The following EHBP1 variants were observed in gnomAD, a reference collection of about 807,000 sequenced individuals.
The protein encoded by EHBP1 is EH domain-binding protein 1.
A neutral mutation model predicts 144.0 loss-of-function variants in EHBP1; 55 were observed. That is an observed-to-expected ratio of 0.38 (90% confidence interval 0.31 to 0.48). EHBP1 has a LOEUF of 0.48. Among genes scored for constraint, EHBP1 ranks in the 20% least tolerant of loss-of-function variants. The pLI, the probability that EHBP1 is intolerant of heterozygous loss-of-function variation, is 0.98. For synonymous variants in EHBP1, 469 were observed against 472.7 expected, an observed-to-expected ratio of 0.99 and a Z score of 0.10; for missense variants, 1,200 against 1,364.2, an observed-to-expected ratio of 0.88 and a Z score of 1.90.
intron 19 of EHBP1, 89 bp downstream of exon 19, chr2:62,996,855 C>A (rs1273431449): frequency 4.5e-6 from 7 of 1,542,454 alleles, no homozygotes; most frequent in Non-Finnish European, 6.1e-6. Context: ...ATCTTTGAAG[C>A]CTGAATGTTC....
chr2:62,987,998 A>G, intron 15 of EHBP1: 1 of 1,608,110 alleles, frequency 6.2e-7, no homozygotes, highest in Middle Eastern at 1.7e-4. Flanking sequence ...TAGGAGGTGG[A>G]GATGAACTTA....
chr2:63,015,431 G>A (rs1185127163), intron 19 of EHBP1, among the ~76,000 whole-genome samples: 1 of 152,114 alleles, frequency 6.6e-6, no homozygotes, highest in East Asian at 1.9e-4. Flanking sequence ...TCGTAAGTAT[G>A]GATTATATGG....
intron 10 of EHBP1, among the ~76,000 whole-genome samples, chr2:62,931,418 C>A (rs1353597633): frequency 6.6e-6 from 1 of 152,100 alleles, no homozygotes; most frequent in African/African-American, 2.4e-5. Context: ...AGAATTAGTA[C>A]CCTTGTGCAC....
intron 10 of EHBP1, among the ~76,000 whole-genome samples, chr2:62,903,287 G>A (rs1408290688): frequency 6.6e-6 from 1 of 152,114 alleles, no homozygotes; most frequent in Non-Finnish European, 1.5e-5. Flanking sequence ...ACTTGGTGTA[G>A]CATTTTTACA....
intron 19 of EHBP1, among the ~76,000 whole-genome samples, chr2:63,003,383 G>C (rs2059920830): frequency 6.6e-6 from 1 of 152,036 alleles, no homozygotes; most frequent in Admixed American, 6.6e-5. Context: ...TGAATTCAAA[G>C]TAATTGGGGT....
chr2:62,900,624 A>G (rs574849718), intron 10 of EHBP1, among the ~76,000 whole-genome samples: 12 of 151,016 alleles, frequency 7.9e-5, no homozygotes, highest in African/African-American at 3.0e-4. Flanking sequence ...CTGTCTTTAA[A>G]AAAAAAAGAA....
At chr2:62,708,472 T>A (rs719197) in intron 2 of EHBP1, among the ~76,000 whole-genome samples, 6 of 152,214 alleles carry the variant, frequency 3.9e-5, no homozygotes, top group African/African-American at 1.4e-4. Flanking sequence ...TCTGTCTCGA[T>A]ACAGTTGAGT....
intron 20 of EHBP1, 76 bp from the exon 21 acceptor site, chr2:63,038,667 A>G (rs918012575): frequency 5.9e-6 from 8 of 1,361,082 alleles, no homozygotes; most frequent in Admixed American, 3.4e-5. Context: ...CCTAAAATCA[A>G]TGTAACCTAA....
intron 5 of EHBP1, among the ~76,000 whole-genome samples, chr2:62,782,024 A>G (rs1381733437): frequency 1.3e-5 from 2 of 152,220 alleles, no homozygotes; most frequent in Non-Finnish European, 2.9e-5. Context: ...ACGCCCAAGA[A>G]CACACAGAAA....
At chr2:63,030,028 G>T (rs1023815389) in intron 19 of EHBP1, among the ~76,000 whole-genome samples, 2 of 152,104 alleles carry the variant, frequency 1.3e-5, no homozygotes, top group African/African-American at 4.8e-5. Flanking sequence ...ACCATGCCTG[G>T]CCAACAGAAG....
chr2:62,864,589 T>C, intron 8 of EHBP1, 142 bp from the exon 9 acceptor site: 1 of 754,860 alleles, frequency 1.3e-6, no homozygotes, highest in Non-Finnish European at 2.1e-6. Flanking sequence ...TAAAATATAT[T>C]ATTGTTTTAT....
At chr2:62,793,088 T>C (rs771912325) in intron 5 of EHBP1, among the ~76,000 whole-genome samples, 10 of 152,186 alleles carry the variant, frequency 6.6e-5, no homozygotes, top group Non-Finnish European at 1.2e-4. Context: ...ATATACATGT[T>C]GTATAATTTT....
At chr2:62,950,641 A>G (rs932046834) in intron 13 of EHBP1, among the ~76,000 whole-genome samples, 5 of 152,170 alleles carry the variant, frequency 3.3e-5, no homozygotes, top group Non-Finnish European at 7.4e-5. Context: ...ATTTTTAAGC[A>G]TATATGGGGA....
At chr2:63,012,222 G>A (rs1323507913) in intron 19 of EHBP1, among the ~76,000 whole-genome samples, 1 of 151,916 alleles carries the variant, frequency 6.6e-6, no homozygotes. Flanking sequence ...TACTAGTCTA[G>A]TGGTTTCCTG....
At chr2:62,942,683 T>G (rs2056829889) in intron 10 of EHBP1, 35 bp from the exon 11 acceptor site, 1 of 1,518,582 alleles carries the variant, frequency 6.6e-7, no homozygotes, top group African/African-American at 1.4e-5. Context: ...TCCATTAAAT[T>G]CTTTTAATGT....
At chr2:63,041,446 C>T (rs959122818) in intron 21 of EHBP1, among the ~76,000 whole-genome samples, 2 of 152,144 alleles carry the variant, frequency 1.3e-5, no homozygotes, top group African/African-American at 4.8e-5. Flanking sequence ...TGGATCTTCT[C>T]TAGGATTTTG....
At chr2:62,928,677 CA>C (rs1476419537) in intron 10 of EHBP1, among the ~76,000 whole-genome samples, 1 of 151,590 alleles carries the variant, frequency 6.6e-6, no homozygotes, top group Non-Finnish European at 1.5e-5. Flanking sequence ...ACTGGAAGAA[CA>C]AACTAAACCC....
chr2:63,031,290 G>A (rs1320925047), intron 19 of EHBP1, among the ~76,000 whole-genome samples: 14 of 152,042 alleles, frequency 9.2e-5, no homozygotes, highest in Non-Finnish European at 2.9e-5. Context: ...AGAGTGGAGA[G>A]CTGTCAGGGG....
At chr2:62,842,625 A>G (rs1027360258) in intron 7 of EHBP1, among the ~76,000 whole-genome samples, 2 of 152,104 alleles carry the variant, frequency 1.3e-5, no homozygotes, top group Admixed American at 1.3e-4. Flanking sequence ...TGACCATTCC[A>G]TCCTTTATGG....
Sources: allele counts gnomAD v4.1 joint callset (sites outside exome capture counted in the v4.1 genomes callset), GRCh38; gene constraint gnomAD v4.1.1; transcripts MANE v1.5; gene names NCBI Gene and HGNC (gene_info 2026-07-23, HGNC 2026-07-21).